KCNN3: variants seen among roughly 807,000 people sequenced by gnomAD.
The protein encoded by KCNN3 is small conductance calcium-activated potassium channel protein 3.
Under a neutral mutation model 62.9 loss-of-function variants are expected in KCNN3, and 16 were observed. The observed-to-expected ratio is 0.25, with a 90% CI of 0.17 to 0.39. KCNN3 has a LOEUF of 0.39. Among genes scored for constraint, KCNN3 ranks in the 10% least tolerant of loss-of-function variants. The pLI is 1.00. For missense variants in KCNN3, 599 were observed against 949.4 expected (o/e 0.63, Z 4.85); for synonymous variants, 370 against 389.2 (o/e 0.95, Z 0.58).
chr1:154,789,200 C>T (rs1285268236), intron 2 of KCNN3, among the ~76,000 whole-genome samples: 2 of 152,198 alleles, frequency 1.3e-5, no homozygotes, highest in African/African-American at 4.8e-5. Context: ...TCTCCCACCA[C>T]TCCAGCCTCC....
intron 2 of KCNN3, among the ~76,000 whole-genome samples, chr1:154,797,954 C>G (rs1649800055): frequency 6.6e-6 from 1 of 152,218 alleles, no homozygotes; most frequent in Admixed American, 6.5e-5. Context: ...TTCTCCAGCA[C>G]TCTCTGGCTC....
At position 154,755,938 on chromosome 1, in the gene KCNN3, ATGGGGAGGGGAGGAGGAGGAGGGGT is replaced by A. The variant is rs1242305936; in HGVS notation, c.1448+16012_1448+16036del. On this transcript the variant is annotated intron_variant, in intron 3 of 7. Coordinates refer to ENST00000271915, the MANE Select transcript of KCNN3 (RefSeq NM_002249.6). ...AGAAGAGAAGAAGAAGAGGTGGAGG[ATGGGGAGGGGAGGAGGAGGAGGGGT>A]TGGGGAGGTGGAGGAGGAGGAAGAG... Among the ~76,000 whole-genome samples the A allele has an allele frequency of 1.5e-4, 16 of 104,390 alleles. 1 individual carries two copies. Among genetic ancestry groups the A allele is most frequent in the African/African-American group, 6.0e-4 (15 of 25,130 alleles). The allele number at this position is 104,390 out of a possible 152,430, so 68.5% of individuals were successfully genotyped here.
rs1261976841 is a variant in KCNN3, at chr1:154,811,143, A to C, written c.1029+10946T>G. On this transcript the variant is annotated intron_variant, in intron 2 of 7. Transcript: ENST00000271915. ...CTGTGGGATTACCAACCACTTCCCC[A>C]ATCGAAACTTGGAATCAGAACCCCG... 2.0e-5 allele frequency among the ~76,000 whole-genome samples: 3 copies of C among 152,308 alleles called. No individual in the cohort carries two copies. The East Asian group carries it at 5.8e-4, about 29-fold the overall frequency.
intron 3 of KCNN3, among the ~76,000 whole-genome samples, chr1:154,759,883 C>T (rs1439559412): frequency 6.6e-6 from 1 of 152,216 alleles, no homozygotes; most frequent in Non-Finnish European, 1.5e-5. Flanking sequence ...ATGGATTTCA[C>T]TTTGCACCCA....
At chr1:154,827,603 G>A (rs961796015) in intron 1 of KCNN3, among the ~76,000 whole-genome samples, 4 of 152,134 alleles carry the variant, frequency 2.6e-5, no homozygotes, top group South Asian at 2.1e-4. Context: ...GCTCAAGACC[G>A]GCCTGGCCAT....
intron 1 of KCNN3, among the ~76,000 whole-genome samples, chr1:154,849,517 C>T (rs1652223791): frequency 6.6e-6 from 1 of 152,230 alleles, no homozygotes; most frequent in Non-Finnish European, 1.5e-5. Context: ...GTGTAGACAC[C>T]ACTGCCCCAC....
At chr1:154,749,839 C>A (rs111235182) in intron 3 of KCNN3, among the ~76,000 whole-genome samples, 1 of 152,140 alleles carries the variant, frequency 6.6e-6, no homozygotes, top group Middle Eastern at 3.2e-3. Flanking sequence ...GGGGTCCCCA[C>A]GGCCGTGGGG....
chr1:154,738,011 A>C (rs1474793260), intron 3 of KCNN3, among the ~76,000 whole-genome samples: 1 of 152,220 alleles, frequency 6.6e-6, no homozygotes, highest in Non-Finnish European at 1.5e-5. Context: ...GAAAGAAACA[A>C]CTGGGGGGAA....
At chr1:154,741,910 C>T (rs1317212101) in intron 3 of KCNN3, among the ~76,000 whole-genome samples, 2 of 152,242 alleles carry the variant, frequency 1.3e-5, no homozygotes, top group African/African-American at 4.8e-5. Context: ...GACCTGCCCA[C>T]TGAGCTGTGA....
intron 1 of KCNN3, among the ~76,000 whole-genome samples, chr1:154,823,613 G>C (rs556653343): frequency 6.6e-6 from 1 of 152,314 alleles, no homozygotes; most frequent in Admixed American, 6.5e-5. Context: ...TCTCCAATGG[G>C]AAACAACTTA....
chr1:154,725,077 A>G (rs1474619636), intron 5 of KCNN3, among the ~76,000 whole-genome samples: 4 of 152,026 alleles, frequency 2.6e-5, no homozygotes, highest in Non-Finnish European at 5.9e-5. Context: ...GATGGTCTCG[A>G]TCTCTTGACC....
At chr1:154,788,350 G>GA (rs969151738) in intron 2 of KCNN3, among the ~76,000 whole-genome samples, 10 of 152,140 alleles carry the variant, frequency 6.6e-5, no homozygotes, top group African/African-American at 2.4e-4. Flanking sequence ...CCAAATGTTT[G>GA]AAAAATGCTT....
intron 3 of KCNN3, among the ~76,000 whole-genome samples, chr1:154,766,497 C>T (rs1471586583): frequency 7.3e-6 from 1 of 136,318 alleles, no homozygotes; most frequent in Non-Finnish European, 1.6e-5. Context: ...GTGCGTGTGC[C>T]CCACATTGGA....
At chr1:154,801,693 G>C (rs1619081) in intron 2 of KCNN3, among the ~76,000 whole-genome samples, 19,822 of 152,202 alleles carry the variant, frequency 0.13, 1,684 homozygotes, top group African/African-American at 0.24. Context: ...CAGGAATCCA[G>C]GGGGAGGAAG....
chr1:154,793,654 AC>A (rs1168557175), intron 2 of KCNN3, among the ~76,000 whole-genome samples: 1 of 152,218 alleles, frequency 6.6e-6, no homozygotes, highest in Non-Finnish European at 1.5e-5. Context: ...GGGGACTGTT[AC>A]CCAACTGTTG....
At chr1:154,731,729 A>AG (rs926672038) in intron 4 of KCNN3, among the ~76,000 whole-genome samples, 1 of 151,130 alleles carries the variant, frequency 6.6e-6, no homozygotes, top group African/African-American at 2.4e-5. Flanking sequence ...CAAAGGTGTG[A>AG]GGGGGGCTGT....
chr1:154,760,473 G>C (rs1008190814), intron 3 of KCNN3, among the ~76,000 whole-genome samples: 7 of 152,052 alleles, frequency 4.6e-5, no homozygotes, highest in African/African-American at 1.7e-4. Flanking sequence ...AGCAGCCCTG[G>C]AGCCGCCGGC....
At chr1:154,781,675 C>A (rs1022554284) in intron 2 of KCNN3, among the ~76,000 whole-genome samples, 2 of 152,182 alleles carry the variant, frequency 1.3e-5, no homozygotes, top group Admixed American at 6.5e-5. Flanking sequence ...TGTTTGGGGT[C>A]TGGTTCAAGA....
chr1:154,823,527 G>T (rs1316160581), intron 1 of KCNN3, among the ~76,000 whole-genome samples: 2 of 152,220 alleles, frequency 1.3e-5, no homozygotes, highest in Non-Finnish European at 2.9e-5. Context: ...AGGAGGGTGG[G>T]TGGCTTGTGC....
Sources: allele counts gnomAD v4.1 joint callset (sites outside exome capture counted in the v4.1 genomes callset), GRCh38; gene constraint gnomAD v4.1.1; transcripts MANE v1.5; gene names NCBI Gene and HGNC (gene_info 2026-07-23, HGNC 2026-07-21).